FAM117B: variants seen among roughly 807,000 people sequenced by gnomAD.
The protein encoded by FAM117B is family with sequence similarity 117 member B.
Under a neutral mutation model 52.8 loss-of-function variants are expected in FAM117B, and 22 were observed. The ratio of observed to expected loss-of-function variants is 0.42; its 90% confidence interval spans 0.30 to 0.59. The LOEUF (loss-of-function observed/expected upper bound fraction) is 0.59, where lower values mean the gene tolerates loss of function less well. Among genes scored for constraint, FAM117B ranks in the 20% least tolerant of loss-of-function variants. FAM117B has a pLI of 0.22. For synonymous variants in FAM117B, 309 were observed against 324.1 expected (o/e 0.95, Z 0.50); for missense variants, 678 against 802.6 (o/e 0.84, Z 1.88).
chr2:202,658,549 G>A (rs893378069), intron 1 of FAM117B, among the ~76,000 whole-genome samples: 4 of 152,072 alleles, frequency 2.6e-5, no homozygotes, highest in African/African-American at 2.4e-5. Flanking sequence ...TGATCCACCC[G>A]TTTTGACCTC....
chr2:202,759,777 T>G (rs773136357), intron 7 of FAM117B, among the ~76,000 whole-genome samples: 29 of 152,064 alleles, frequency 1.9e-4, no homozygotes, highest in Admixed American at 3.3e-4. Flanking sequence ...CAGGATGGTC[T>G]CAATCTCCTG....
intron 4 of FAM117B, among the ~76,000 whole-genome samples, chr2:202,727,260 C>T (rs932802237): frequency 6.6e-6 from 1 of 152,156 alleles, no homozygotes; most frequent in East Asian, 1.9e-4. Flanking sequence ...TTCTGTGACT[C>T]TCAGGTTGTT....
chr2:202,637,547 T>G (rs938530754), intron 1 of FAM117B, among the ~76,000 whole-genome samples: 3 of 152,180 alleles, frequency 2.0e-5, no homozygotes, highest in African/African-American at 7.2e-5. Flanking sequence ...CCCAGAGCAC[T>G]ATTTTAAACC....
intron 1 of FAM117B, among the ~76,000 whole-genome samples, chr2:202,660,552 C>T (rs1225568904): frequency 6.6e-6 from 1 of 152,086 alleles, no homozygotes; most frequent in African/African-American, 2.4e-5. Context: ...ACATGCACAG[C>T]CTTTAGGTGT....
chr2:202,635,866 G>C (rs892427295), intron 1 of FAM117B, 78 bp downstream of exon 1: 1 of 1,308,160 alleles, frequency 7.6e-7, no homozygotes, highest in Non-Finnish European at 9.7e-7. Context: ...ATCGCGCGGG[G>C]ACTGCAGAGC....
intron 2 of FAM117B, among the ~76,000 whole-genome samples, chr2:202,705,257 GATAGT>G (rs1690855139): frequency 6.6e-6 from 1 of 151,818 alleles, no homozygotes; most frequent in South Asian, 2.1e-4. Flanking sequence ...AGTGAGTCAA[GATAGT>G]ACCATTGCAC....
At chr2:202,664,673 C>G (rs1440961002) in intron 1 of FAM117B, among the ~76,000 whole-genome samples, 2 of 151,896 alleles carry the variant, frequency 1.3e-5, no homozygotes, top group Non-Finnish European at 2.9e-5. Context: ...TTTGATAGTT[C>G]GTTATCATGC....
intron 1 of FAM117B, among the ~76,000 whole-genome samples, chr2:202,688,526 G>C (rs1263713698): frequency 3.3e-5 from 5 of 151,998 alleles, no homozygotes; most frequent in African/African-American, 1.2e-4. Context: ...GAAACTGATA[G>C]AACCTCTTTG....
intron 1 of FAM117B, among the ~76,000 whole-genome samples, chr2:202,654,025 T>C (rs1690013799): frequency 1.3e-5 from 2 of 148,722 alleles, no homozygotes; most frequent in Admixed American, 1.4e-4. Flanking sequence ...CCCAGTGAAA[T>C]CATCTTGGCC....
chr2:202,635,623 C>G lies in FAM117B; in HGVS notation c.436C>G (p.Leu146Val). 7.7e-7 allele frequency: 1 copy of G among 1,299,110 alleles called. No individual in the cohort carries two copies. Among genetic ancestry groups the G allele is most frequent in the Non-Finnish European group, 9.7e-7 (1 of 1,028,790 alleles). The allele number at this position is 1,299,110 out of a possible 1,614,324, so 80.5% of individuals were successfully genotyped here. A position where few individuals can be genotyped will look rare whatever the true frequency, so the allele number is the denominator to read the frequency against. ...CCCACGGCCGCCGCCGCCGCCGCCG[C>G]TGCTGGGCACCGTGTCGTCGCCCAG... is the stretch of plus-strand genomic sequence containing the variant. The part of the protein sequence containing the change: ...SPPRPPPPPP[L>V]LGTVSSPSSS... Residue 146 changes from leucine (L) to valine (V), a missense_variant, in exon 1 of 8, where the codon CTG (leucine) becomes GTG (valine). Leu to Val is a conservative substitution (Grantham distance 32). Around this residue, in one of 3 missense-constraint regions of FAM117B, gnomAD observed 583 missense variants for 644.8 expected, o/e 0.90. Transcript: ENST00000392238.
intron 1 of FAM117B, among the ~76,000 whole-genome samples, chr2:202,672,343 G>A (rs577179603): frequency 2.1e-4 from 32 of 152,078 alleles, no homozygotes; most frequent in Non-Finnish European, 3.8e-4. Context: ...CTCCTGAGTC[G>A]CTGGGGTTAC....
intron 1 of FAM117B, among the ~76,000 whole-genome samples, chr2:202,657,509 C>T (rs1312781565): frequency 6.6e-6 from 1 of 151,724 alleles, no homozygotes; most frequent in African/African-American, 2.4e-5. Context: ...TTTTTGGAGA[C>T]AGGGTCTTGC....
intron 7 of FAM117B, among the ~76,000 whole-genome samples, chr2:202,762,307 G>A (rs1287358658): frequency 6.6e-6 from 1 of 152,136 alleles, no homozygotes; most frequent in Non-Finnish European, 1.5e-5. Flanking sequence ...AAAGAAAATA[G>A]GTGGTTGGAT....
At chr2:202,720,685 G>A (rs757084522) in intron 2 of FAM117B, among the ~76,000 whole-genome samples, 2 of 150,902 alleles carry the variant, frequency 1.3e-5, no homozygotes, top group Non-Finnish European at 2.9e-5. Flanking sequence ...TTCATACATT[G>A]CACTTGGCTT....
chr2:202,723,849 C>T (rs1285184455), intron 2 of FAM117B, among the ~76,000 whole-genome samples: 1 of 152,008 alleles, frequency 6.6e-6, no homozygotes, highest in Non-Finnish European at 1.5e-5. Context: ...GCTGAATATC[C>T]CCCCATAAAG....
intron 4 of FAM117B, among the ~76,000 whole-genome samples, chr2:202,740,620 A>G (rs1419570567): frequency 6.6e-6 from 1 of 152,250 alleles, no homozygotes; most frequent in South Asian, 2.1e-4. Context: ...AGCTATTCTA[A>G]ATCTAAAATA....
At chr2:202,683,854 C>T (rs1690498358) in intron 1 of FAM117B, among the ~76,000 whole-genome samples, 1 of 151,856 alleles carries the variant, frequency 6.6e-6, no homozygotes, top group African/African-American at 2.4e-5. Flanking sequence ...AAGAAAACTA[C>T]AGAACACAAA....
intron 3 of FAM117B, 73 bp from the exon 4 acceptor site, chr2:202,726,177 C>CTTA: frequency 1.0e-6 from 1 of 969,354 alleles, no homozygotes; most frequent in Non-Finnish European, 1.6e-6. Context: ...TTTACTGGTT[C>CTTA]TTATTAAGCA....
chr2:202,642,656 A>AT (rs1689789258), intron 1 of FAM117B, among the ~76,000 whole-genome samples: 1 of 152,182 alleles, frequency 6.6e-6, no homozygotes, highest in African/African-American at 2.4e-5. Context: ...ATTGTGGCAA[A>AT]TAACATTTTA....
Sources: allele counts gnomAD v4.1 joint callset (sites outside exome capture counted in the v4.1 genomes callset), GRCh38; gene constraint gnomAD v4.1.1; regional missense constraint gnomAD v4.1.1; transcripts MANE v1.5; gene names NCBI Gene and HGNC (gene_info 2026-07-23, HGNC 2026-07-21).